SMARCA2: variants seen among roughly 807,000 people sequenced by gnomAD.
SMARCA2 encodes SWI/SNF-related matrix-associated actin-dependent regulator of chromatin subfamily A member 2.
In SMARCA2, 61 loss-of-function variants were observed where a neutral mutation model predicts 199.8. The ratio of observed to expected loss-of-function variants is 0.31; its 90% CI spans 0.25 to 0.38. The LOEUF (loss-of-function observed/expected upper bound fraction) is 0.38. Among genes scored for constraint, SMARCA2 ranks in the 10% least tolerant of loss-of-function variants. The pLI, the probability that SMARCA2 is intolerant of heterozygous loss-of-function variation, is 1.00. For synonymous variants in SMARCA2, 935 were observed against 732.0 expected, an observed-to-expected ratio of 1.28 and a Z score of -4.48; for missense variants, 1,344 against 2,012.2, an observed-to-expected ratio of 0.67 and a Z score of 6.35.
chr9:2,081,402 T>C (rs1434470075), intron 14 of SMARCA2, among the ~76,000 whole-genome samples: 1 of 152,216 alleles, frequency 6.6e-6, no homozygotes, highest in Non-Finnish European at 1.5e-5. Context: ...CAGTCCGCCT[T>C]TTCACTGAGG....
intron 27 of SMARCA2, among the ~76,000 whole-genome samples, chr9:2,155,436 CCA>C (rs1825304777): frequency 6.6e-6 from 1 of 152,080 alleles, no homozygotes; most frequent in Non-Finnish European, 1.5e-5. Flanking sequence ...GCACGTGCCA[CCA>C]CACCTGGCTA....
rs536631676 is a variant in SMARCA2 at position 2,141,637 on chromosome 9, CAA to C, written c.3981+17702_3981+17703del. On this transcript the variant is annotated intron_variant, in intron 27 of 33. Coordinates refer to ENST00000349721, the MANE Select transcript of SMARCA2 (RefSeq NM_003070.5). Reference sequence around the variant, plus strand: ...GGGCTGGAGTAGGGCAAACTGAGAACAAAGATCTTCATTTTGCCCCATTTCTC... The same window carrying C: ...GGGCTGGAGTAGGGCAAACTGAGAACAGATCTTCATTTTGCCCCATTTCTC... Among the ~76,000 whole-genome samples, 22 of 152,180 alleles carry C rather than the reference CAA, an allele frequency of 1.4e-4. No homozygotes were observed. The East Asian group carries it at 3.1e-3, about 21-fold the overall frequency.
chr9:2,113,652 A>C (rs889543918), intron 24 of SMARCA2, among the ~76,000 whole-genome samples: 1 of 152,212 alleles, frequency 6.6e-6, no homozygotes, highest in Non-Finnish European at 1.5e-5. Flanking sequence ...GAAACACACA[A>C]ACACACATCA....
chr9:2,159,343 T>G (rs1181501184), intron 27 of SMARCA2: 1 of 246,638 alleles, frequency 4.1e-6, no homozygotes, highest in African/African-American at 2.2e-5. Flanking sequence ...TGTTAAAATA[T>G]TTGAATCTTA....
At chr9:2,024,559 T>G (rs1271203679) in intron 1 of SMARCA2, among the ~76,000 whole-genome samples, 3 of 152,206 alleles carry the variant, frequency 2.0e-5, no homozygotes, top group Non-Finnish European at 4.4e-5. Context: ...GGGCTTCTCT[T>G]TACTTCTCTA....
chr9:2,050,082 G>C (rs1820049618), intron 5 of SMARCA2, among the ~76,000 whole-genome samples: 1 of 152,120 alleles, frequency 6.6e-6, no homozygotes, highest in East Asian at 1.9e-4. Flanking sequence ...TAACGTTTAA[G>C]TCAGTTGGCT....
intron 27 of SMARCA2, among the ~76,000 whole-genome samples, chr9:2,143,324 C>T (rs1255786534): frequency 6.6e-6 from 1 of 152,104 alleles, no homozygotes; most frequent in African/African-American, 2.4e-5. Context: ...GAGGCTAGGG[C>T]CAGACCCTGG....
At chr9:2,073,691 T>G (rs959056538) in intron 12 of SMARCA2, 68 bp downstream of exon 12, 1 of 1,221,300 alleles carries the variant, frequency 8.2e-7, no homozygotes, top group African/African-American at 1.5e-5. Flanking sequence ...TCTTCCTGAA[T>G]GTAAGCCCGG....
chr9:2,178,525 A>G (rs1351856070), intron 29 of SMARCA2, among the ~76,000 whole-genome samples: 2 of 152,130 alleles, frequency 1.3e-5, no homozygotes, highest in Non-Finnish European at 2.9e-5. Flanking sequence ...TGTAAACAAC[A>G]TTGTACAATT....
At chr9:2,149,517 A>T (rs985931300) in intron 27 of SMARCA2, among the ~76,000 whole-genome samples, 17 of 151,452 alleles carry the variant, frequency 1.1e-4, no homozygotes, top group African/African-American at 4.1e-4. Flanking sequence ...GAGACTCCTC[A>T]AAAAAACAAC....
intron 27 of SMARCA2, chr9:2,158,668 GACCCCCC>G (rs1236458507): frequency 3.1e-6 from 1 of 325,474 alleles, no homozygotes; most frequent in African/African-American, 2.1e-5. Context: ...TTTTGTGTGT[GACCCCCC>G]AGCCCCCAGC....
At chr9:2,098,485 T>A (rs1822365766) in intron 21 of SMARCA2, among the ~76,000 whole-genome samples, 1 of 152,160 alleles carries the variant, frequency 6.6e-6, no homozygotes, top group South Asian at 2.1e-4. Context: ...ATTGGAAAGA[T>A]TTCTGACACT....
At position 2,170,436 on chromosome 9, in the gene SMARCA2, T is replaced by C; in HGVS notation, c.4217T>C (p.Val1406Ala). The change falls in exon 29 of 34, where the codon GTG (valine) becomes GCG (alanine). Residue 1406 changes from valine to alanine, a missense_variant. Physicochemically the swap from Val to Ala is moderately conservative, Grantham distance 64 (BLOSUM62 0). Coordinates refer to ENST00000349721, the MANE Select transcript of SMARCA2 (RefSeq NM_003070.5). This position sits in a 1 kb window ranked among gnomAD's most constrained non-coding sequence, Gnocchi z 4.7. ...NYKDRCNVEK[V>A]PSNSQLEIEG... ...TACCGCAGGTGTAACGTGGAGAAGG[T>C]GCCCAGTAATTCTCAGTTGGAAATA... 1 of 1,614,088 alleles carries C rather than the reference T, an allele frequency of 6.2e-7. No individual in the cohort carries two copies. The highest frequency in any genetic ancestry group is 8.5e-7 in the Non-Finnish European group (1 of 1,179,992).
rs758541653 is a variant in SMARCA2 at position 2,077,722 on chromosome 9, G to C, written c.2130G>C (p.Glu710Asp). The stretch of plus-strand genomic sequence containing the variant: ...ACACCGTGGCTCATGCCATCTCGGA[G>C]AGGGTGGAGAAACAGTCTGCCCTCC... The part of the protein sequence containing the change: ...SYYTVAHAIS[E>D]RVEKQSALLI... Residue 710 changes from glutamate to aspartate, a missense_variant, in exon 14 of 34, where the codon GAG becomes GAC. Around this residue, in one of 18 missense-constraint regions of SMARCA2, gnomAD observed 106 missense variants for 179.7 expected, o/e 0.59. Transcript: ENST00000349721. 6.2e-7 allele frequency: 1 copy of C among 1,614,092 alleles called. No individual in the cohort carries two copies. The highest frequency in any genetic ancestry group is 8.5e-7 in the Non-Finnish European group (1 of 1,179,964).
At chr9:2,083,851 T>C (rs1163816688) in intron 16 of SMARCA2, among the ~76,000 whole-genome samples, 1 of 152,192 alleles carries the variant, frequency 6.6e-6, no homozygotes, top group Admixed American at 6.5e-5. Context: ...TCATTTCCAT[T>C]TCCCTTTGCC....
At chr9:2,069,474 G>A (rs1482813866) in intron 9 of SMARCA2, among the ~76,000 whole-genome samples, 1 of 151,562 alleles carries the variant, frequency 6.6e-6, no homozygotes, top group Admixed American at 6.6e-5. Flanking sequence ...CAGGAGAATG[G>A]CGTGAACACG....
intron 9 of SMARCA2, chr9:2,068,882 G>T (rs952064170): frequency 2.0e-5 from 3 of 152,016 alleles, no homozygotes; most frequent in Non-Finnish European, 2.9e-5. Flanking sequence ...TATTACAGAT[G>T]AGACTTTCTT....
chr9:2,034,494 G>A (rs1292244470), intron 3 of SMARCA2, among the ~76,000 whole-genome samples: 2 of 152,138 alleles, frequency 1.3e-5, no homozygotes, highest in South Asian at 4.1e-4. Context: ...TCATTATGTG[G>A]TCATTTCAAC....
intron 25 of SMARCA2, among the ~76,000 whole-genome samples, chr9:2,118,624 A>T (rs1258330427): frequency 2.6e-5 from 4 of 152,222 alleles, no homozygotes; most frequent in African/African-American, 9.6e-5. Context: ...TGGGAAGATA[A>T]ATCCTGAAGC....
Sources: gnomAD v4.1 joint callset for allele counts (sites outside exome capture counted in the v4.1 genomes callset) on GRCh38, gnomAD v4.1.1 for gene constraint, gnomAD v4.1.1 regional missense constraint, Gnocchi (gnomAD v3.1) non-coding constraint, MANE v1.5 for transcripts, NCBI Gene and HGNC (gene_info 2026-07-23, HGNC 2026-07-21) for gene names.